The following GNG2 variants were observed in gnomAD, a reference collection of about 807,000 sequenced individuals.
The protein encoded by GNG2 is G protein subunit gamma 2, also known as guanine nucleotide-binding protein G(I)/G(S)/G(O) subunit gamma-2.
In GNG2, 5 loss-of-function variants were observed where a neutral mutation model predicts 5.5. The ratio of observed to expected loss-of-function variants is 0.91; its 90% CI spans 0.48 to 1.92. GNG2 has a LOEUF of 1.92. Among genes scored for constraint, GNG2 ranks in the 30% most tolerant of loss-of-function variants. GNG2 has a pLI of 0.01. For synonymous variants in GNG2, 28 were observed against 32.0 expected, an observed-to-expected ratio of 0.88 and a Z score of 0.42; for missense variants, 55 against 88.4, an observed-to-expected ratio of 0.62 and a Z score of 1.52.
intron 1 of GNG2, among the ~76,000 whole-genome samples, chr14:51,866,101 G>A (rs1882863471): frequency 6.6e-6 from 1 of 152,138 alleles, no homozygotes; most frequent in Admixed American, 6.5e-5. Flanking sequence ...TAATGAAAAA[G>A]CTTTGAAAAA....
chr14:51,961,346 T>C lies in GNG2; in HGVS notation c.88-5213T>C, dbSNP rs1186523658. 2.0e-5 allele frequency among the ~76,000 whole-genome samples: 3 copies of C among 152,182 alleles called. No individual in the cohort carries two copies. In the East Asian group the frequency reaches 5.8e-4, roughly 29 times the overall value. On this transcript the variant is annotated intron_variant, in intron 3 of 3. Coordinates refer to ENST00000556766, the MANE Select transcript of GNG2 (RefSeq NM_053064.5). ...GTATCCAGACTACACCTGGCATATT[T>C]GATGCTCAGTAAATATTCGTTGCAT...
intron 2 of GNG2, among the ~76,000 whole-genome samples, chr14:51,932,013 G>T (rs1887684391): frequency 6.6e-6 from 1 of 152,004 alleles, no homozygotes; most frequent in African/African-American, 2.4e-5. Context: ...TTGGGAAGCC[G>T]AGGTGGGTGG....
chr14:51,914,525 C>T (rs887091477), intron 2 of GNG2, among the ~76,000 whole-genome samples: 1 of 152,128 alleles, frequency 6.6e-6, no homozygotes, highest in Non-Finnish European at 1.5e-5. Flanking sequence ...AATGAGGTGT[C>T]GGCAGTTTTG....
chr14:51,849,650 G>C lies in GNG2; in HGVS notation c.64+21843G>C, dbSNP rs137954393. ...TTAATGCTACCTGACATATTTATTTGTTAATGATTTTATTTTTGCATTCCC... is the reference window on the plus strand; with the variant it reads ...TTAATGCTACCTGACATATTTATTTCTTAATGATTTTATTTTTGCATTCCC... On this transcript the variant is annotated intron_variant, in intron 2 of 3. Coordinates refer to the GNG2 transcript ENST00000553432. Among the ~76,000 whole-genome samples, 13 of 152,148 alleles carry C rather than the reference G, an allele frequency of 8.5e-5. No homozygotes were observed. The East Asian group carries it at 2.3e-3, about 27-fold the overall frequency.
chr14:51,864,606 T>C (rs1298170055), intron 1 of GNG2, among the ~76,000 whole-genome samples: 1 of 152,176 alleles, frequency 6.6e-6, no homozygotes, highest in African/African-American at 2.4e-5. Context: ...CAGAACCTGA[T>C]AGTGAAATTC....
chr14:51,832,396 A>G (rs1881223070), intron 2 of GNG2, among the ~76,000 whole-genome samples: 1 of 152,182 alleles, frequency 6.6e-6, no homozygotes. Context: ...GAGAAATATG[A>G]TTGCTAATTA....
At chr14:51,958,596 C>T (rs1889414190) in intron 3 of GNG2, among the ~76,000 whole-genome samples, 1 of 152,106 alleles carries the variant, frequency 6.6e-6, no homozygotes, top group African/African-American at 2.4e-5. Flanking sequence ...AGTGAGACAC[C>T]TGGCTCCCCT....
At chr14:51,943,424 G>GTT (rs1206477594) in intron 2 of GNG2, among the ~76,000 whole-genome samples, 1 of 152,152 alleles carries the variant, frequency 6.6e-6, no homozygotes, top group Non-Finnish European at 1.5e-5. Context: ...ATGAAAAAGG[G>GTT]ACACTAGCAA....
chr14:51,882,008 A>G (rs1379080409), intron 2 of GNG2, among the ~76,000 whole-genome samples: 3 of 152,164 alleles, frequency 2.0e-5, no homozygotes, highest in African/African-American at 7.2e-5. Flanking sequence ...ATTTTTGTGA[A>G]TCAACAAGTT....
Position 51,847,959 on chromosome 14 carries a change from G to C in GNG2, c.64+20152G>C, listed in dbSNP as rs189339178. On this transcript the variant is annotated intron_variant, in intron 2 of 3. Coordinates refer to the GNG2 transcript ENST00000553432. ...TTCCTTTTTAACAGTGGAAGATTAG[G>C]CTTTTCCTTTTTCCTCTTTGGAAAT... 3.7e-3 allele frequency among the ~76,000 whole-genome samples: 444 copies of C among 120,928 alleles called. 1 individual carries two copies. The highest frequency in any genetic ancestry group is 0.012 in the African/African-American group (400 of 32,822). 79.3% of individuals were successfully genotyped at this position (120,928 alleles called of 152,430 possible).
At chr14:51,887,600 GGAA>G (rs1369327430) in intron 2 of GNG2, among the ~76,000 whole-genome samples, 1 of 152,176 alleles carries the variant, frequency 6.6e-6, no homozygotes, top group Non-Finnish European at 1.5e-5. Flanking sequence ...CCCTGACTTG[GGAA>G]GTTCTGGGAC....
intron 2 of GNG2, among the ~76,000 whole-genome samples, chr14:51,906,757 C>CTTTTTTTTTTTTTTTTTTTTTTTT (rs34240079): frequency 9.5e-6 from 1 of 105,298 alleles, no homozygotes; most frequent in African/African-American, 3.7e-5. Flanking sequence ...TGGAGAATCT[C>CTTTTTTTTTTTTTTTTTTTTTTTT]TTTTTTTTTT....
intron 2 of GNG2, among the ~76,000 whole-genome samples, chr14:51,887,411 G>A (rs1215937314): frequency 1.3e-5 from 2 of 152,138 alleles, no homozygotes; most frequent in African/African-American, 4.8e-5. Flanking sequence ...TTGACCCAGG[G>A]ACCAGGATTA....
intron 2 of GNG2, among the ~76,000 whole-genome samples, chr14:51,896,634 T>A (rs1346506502): frequency 2.0e-5 from 3 of 152,228 alleles, no homozygotes; most frequent in African/African-American, 7.2e-5. Flanking sequence ...TGTGTTTGTA[T>A]GTGTTTGTGT....
intron 2 of GNG2, among the ~76,000 whole-genome samples, chr14:51,888,527 C>A (rs1373219756): frequency 6.6e-6 from 1 of 152,078 alleles, no homozygotes; most frequent in African/African-American, 2.4e-5. Context: ...GTTATGTTAC[C>A]TGGGCTGGTC....
At chr14:51,951,804 C>T (rs1888991242) in intron 3 of GNG2, 1 of 685,470 alleles carries the variant, frequency 1.5e-6, no homozygotes, top group South Asian at 1.5e-5. Context: ...GCTGCTTTCA[C>T]TCTAAAACAG....
intron 2 of GNG2, among the ~76,000 whole-genome samples, chr14:51,944,622 G>A (rs1162888610): frequency 5.3e-5 from 8 of 152,140 alleles, no homozygotes; most frequent in Non-Finnish European, 2.9e-5. Flanking sequence ...AATGAAGTTG[G>A]CCGTAACACT....
chr14:51,873,442 T>G (rs145690655), intron 1 of GNG2, among the ~76,000 whole-genome samples: 1 of 152,362 alleles, frequency 6.6e-6, no homozygotes, highest in East Asian at 1.9e-4. Flanking sequence ...AGCTTCAATT[T>G]GCCTACTGCA....
intron 2 of GNG2, among the ~76,000 whole-genome samples, chr14:51,946,542 A>C (rs949347248): frequency 6.6e-5 from 10 of 152,238 alleles, no homozygotes; most frequent in Non-Finnish European, 1.3e-4. Context: ...ACAGTTTCAG[A>C]GACGGGTGTA....
Sources: gnomAD v4.1 joint callset for allele counts (sites outside exome capture counted in the v4.1 genomes callset) on GRCh38, gnomAD v4.1.1 for gene constraint, MANE v1.5 for transcripts, NCBI Gene and HGNC (gene_info 2026-07-23, HGNC 2026-07-21) for gene names.